PTPDC1: variants seen among roughly 807,000 people sequenced by gnomAD.
PTPDC1 encodes the protein protein tyrosine phosphatase domain containing 1, also known as protein tyrosine phosphatase domain-containing protein 1.
A neutral mutation model predicts 75.3 loss-of-function variants in PTPDC1; 53 were observed. The observed-to-expected ratio is 0.70, with a 90% CI of 0.56 to 0.88. The LOEUF (loss-of-function observed/expected upper bound fraction) is 0.88. Among genes scored for constraint, PTPDC1 ranks in the 40% least tolerant of loss-of-function variants. The pLI, the probability that PTPDC1 is intolerant of heterozygous loss-of-function variation, is 0.00. For synonymous variants in PTPDC1, 349 were observed against 366.2 expected, an observed-to-expected ratio of 0.95 and a Z score of 0.54; for missense variants, 925 against 998.6, an observed-to-expected ratio of 0.93 and a Z score of 0.99.
upstream of PTPDC1, among the ~76,000 whole-genome samples, chr9:94,082,848 A>G (rs1826930018): frequency 6.6e-6 from 1 of 152,222 alleles, no homozygotes; most frequent in Non-Finnish European, 1.5e-5. Flanking sequence ...GAGGTGATCT[A>G]TAAACCATCC....
At chr9:94,050,042 C>T (rs1402161925) in intron 1 of PTPDC1, among the ~76,000 whole-genome samples, 4 of 152,126 alleles carry the variant, frequency 2.6e-5, no homozygotes, top group South Asian at 2.1e-4. Context: ...ATGTAGTTCT[C>T]GTGGCTTGGT....
intron 2 of PTPDC1, among the ~76,000 whole-genome samples, chr9:94,069,116 A>G (rs1001863464): frequency 6.6e-6 from 1 of 152,306 alleles, no homozygotes; most frequent in South Asian, 2.1e-4. Flanking sequence ...TTAGTAGGAA[A>G]TATAACCAAG....
At chr9:94,061,343 A>T (rs1405000287) in intron 1 of PTPDC1, among the ~76,000 whole-genome samples, 1 of 152,166 alleles carries the variant, frequency 6.6e-6, no homozygotes, top group African/African-American at 2.4e-5. Context: ...TTGAGTGCCT[A>T]TGGCTTTTCC....
At chr9:94,081,420 A>G (rs1256673161), upstream of PTPDC1, among the ~76,000 whole-genome samples, 2 of 152,220 alleles carry the variant, frequency 1.3e-5, no homozygotes. Flanking sequence ...ATTGGCTACC[A>G]GAGAGGCTGA....
At chr9:94,065,253 G>A (rs1279090399) in intron 2 of PTPDC1, among the ~76,000 whole-genome samples, 5 of 152,212 alleles carry the variant, frequency 3.3e-5, no homozygotes, top group Non-Finnish European at 7.3e-5. Flanking sequence ...GACAAGTGTC[G>A]TGACTTGAAC....
chr9:94,032,854 T>TATTC (rs997763922), intron 1 of PTPDC1, among the ~76,000 whole-genome samples: 12 of 151,846 alleles, frequency 7.9e-5, no homozygotes, highest in African/African-American at 2.7e-4. Context: ...TCTTTTTCTC[T>TATTC]ATTTATTTAT....
At chr9:94,106,965 G>T (rs529300809) in intron 8 of PTPDC1, among the ~76,000 whole-genome samples, 2 of 149,948 alleles carry the variant, frequency 1.3e-5, no homozygotes, top group South Asian at 4.2e-4. Flanking sequence ...TTGTTTGTTT[G>T]TTTTTTGAGA....
At chr9:94,094,531 T>G (rs1427721322) in intron 4 of PTPDC1, among the ~76,000 whole-genome samples, 1 of 152,142 alleles carries the variant, frequency 6.6e-6, no homozygotes, top group South Asian at 2.1e-4. Flanking sequence ...TGTCTTTTTG[T>G]TTGTCTGTGC....
intron 1 of PTPDC1, 112 bp downstream of exon 1, chr9:94,084,886 C>T: frequency 1.3e-6 from 1 of 750,372 alleles, no homozygotes; most frequent in Middle Eastern, 3.1e-4. Flanking sequence ...CTATATTATA[C>T]TTTTTGCTGT....
chr9:94,042,751 A>G (rs1825462753), intron 1 of PTPDC1, among the ~76,000 whole-genome samples: 1 of 152,186 alleles, frequency 6.6e-6, no homozygotes, highest in South Asian at 2.1e-4. Flanking sequence ...ATCTTTCTGT[A>G]GCATGTGATG....
intron 1 of PTPDC1, among the ~76,000 whole-genome samples, chr9:94,041,331 C>T (rs910776561): frequency 2.0e-5 from 3 of 152,172 alleles, no homozygotes; most frequent in African/African-American, 4.8e-5. Flanking sequence ...CTGATGCTGC[C>T]GTTTAGATAG....
In PTPDC1 at chr9:94,094,122, G is replaced by A. The variant is rs563081670; in HGVS notation, c.617-1195G>A. Among the ~76,000 whole-genome samples the A allele has an allele frequency of 2.4e-3, 372 of 152,332 alleles. 3 individuals are homozygous for A. The highest frequency in any genetic ancestry group is 8.7e-3 in the African/African-American group (361 of 41,570). ...CATCCAGCTTTGTTCCGTTGCTGGT[G>A]AGGAACTGCGTTCCTTTGGAGGAGG... On this transcript the variant is annotated intron_variant, in intron 4 of 8. Transcript: ENST00000620992.
chr9:94,049,057 G>T (rs192769856), intron 1 of PTPDC1, among the ~76,000 whole-genome samples: 1 of 151,668 alleles, frequency 6.6e-6, no homozygotes, highest in Non-Finnish European at 1.5e-5. Flanking sequence ...TTTCCATTTG[G>T]TAGATCTTCC....
At chr9:94,048,828 G>T (rs1047141217) in intron 1 of PTPDC1, among the ~76,000 whole-genome samples, 3 of 152,108 alleles carry the variant, frequency 2.0e-5, no homozygotes, top group Non-Finnish European at 2.9e-5. Context: ...CATTATTATT[G>T]TGTGGGAGTC....
rs575441271 is a variant in PTPDC1 at position 94,058,571 on chromosome 9, G to T, written c.-6-6163G>T. 6.0e-5 allele frequency among the ~76,000 whole-genome samples: 9 copies of T among 151,084 alleles called. No individual in the cohort carries two copies. In the South Asian group the frequency reaches 1.3e-3, roughly 21 times the overall value. ...AAAATACAAAAATTAACCGGGTGTAGTGGCATGCACCTGTAATCCCAGCTA... is the reference window on the plus strand; with the variant it reads ...AAAATACAAAAATTAACCGGGTGTATTGGCATGCACCTGTAATCCCAGCTA... On this transcript the variant is annotated intron_variant, in intron 1 of 9. Coordinates refer to the PTPDC1 transcript ENST00000375360.
In PTPDC1 at chr9:94,060,992, T is replaced by C. The variant is rs533701395; in HGVS notation, c.-6-3742T>C. On this transcript the variant is annotated intron_variant, in intron 1 of 9. Coordinates refer to the PTPDC1 transcript ENST00000375360. ...ACAGTACCCCCAAAGTCTTTACTCA[T>C]TCCAGCACTAACTCAAAAGTCCAAA... 2.6e-3 allele frequency among the ~76,000 whole-genome samples: 400 copies of C among 152,274 alleles called. 3 individuals are homozygous for C. The highest frequency in any genetic ancestry group is 4.6e-3 in the Non-Finnish European group (313 of 68,020).
intron 7 of PTPDC1, among the ~76,000 whole-genome samples, chr9:94,103,362 C>T (rs1490955416): frequency 6.6e-6 from 1 of 152,206 alleles, no homozygotes; most frequent in Non-Finnish European, 1.5e-5. Context: ...AGGCCCATTT[C>T]ACAGACAAGG....
intron 4 of PTPDC1, among the ~76,000 whole-genome samples, chr9:94,092,392 T>C (rs1482764856): frequency 2.8e-5 from 4 of 144,336 alleles, no homozygotes; most frequent in Non-Finnish European, 4.5e-5. Context: ...AGTTGAGTGG[T>C]TTTGAGTGAG....
At chr9:94,034,892 A>T (rs771319420) in intron 1 of PTPDC1, among the ~76,000 whole-genome samples, 1 of 152,192 alleles carries the variant, frequency 6.6e-6, no homozygotes, top group Non-Finnish European at 1.5e-5. Flanking sequence ...GTTTAATTCA[A>T]TGTGGAATAA....
Sources: allele counts gnomAD v4.1 joint callset (sites outside exome capture counted in the v4.1 genomes callset), GRCh38; gene constraint gnomAD v4.1.1; transcripts MANE v1.5; gene names NCBI Gene and HGNC (gene_info 2026-07-23, HGNC 2026-07-21).